The following USH2A variants were observed in gnomAD, a reference collection of about 807,000 sequenced individuals.
The protein encoded by USH2A is Usher syndrome 2A (autosomal recessive, mild).
A neutral mutation model predicts 538.9 loss-of-function variants in USH2A; 443 were observed. The ratio of observed to expected loss-of-function variants is 0.82; its 90% CI spans 0.76 to 0.89. The LOEUF (loss-of-function observed/expected upper bound fraction) is 0.89. USH2A is among the 40% of genes least tolerant of loss of function. The pLI is 0.00. For synonymous variants in USH2A, 2,413 were observed against 2,273.5 expected (o/e 1.06, Z -1.75); for missense variants, 6,633 against 6,324.8 (o/e 1.05, Z -1.65).
At chr1:215,731,019 G>A (rs1190268680) in intron 60 of USH2A, among the ~76,000 whole-genome samples, 1 of 152,160 alleles carries the variant, frequency 6.6e-6, no homozygotes, top group African/African-American at 2.4e-5. Context: ...ACCTATGATG[G>A]TCTATGGGGA....
At chr1:215,665,626 G>A (rs1657583327) in intron 64 of USH2A, among the ~76,000 whole-genome samples, 1 of 152,158 alleles carries the variant, frequency 6.6e-6, no homozygotes, top group Non-Finnish European at 1.5e-5. Context: ...CTCACACCCA[G>A]GTCCCTCTCA....
chr1:216,218,448 T>C (rs909960372), intron 14 of USH2A, among the ~76,000 whole-genome samples: 3 of 152,126 alleles, frequency 2.0e-5, no homozygotes, highest in Admixed American at 1.3e-4. Flanking sequence ...TAAAAGGTAC[T>C]CTCCTTGTGG....
At chr1:215,780,662 T>C (rs1053948071) in intron 54 of USH2A, among the ~76,000 whole-genome samples, 1 of 152,244 alleles carries the variant, frequency 6.6e-6, no homozygotes, top group Non-Finnish European at 1.5e-5. Flanking sequence ...TTTCATAGAA[T>C]TAACTTTTTT....
intron 61 of USH2A, among the ~76,000 whole-genome samples, chr1:215,681,232 G>T (rs1658218430): frequency 6.6e-6 from 1 of 152,014 alleles, no homozygotes; most frequent in Admixed American, 6.6e-5. Context: ...GCCCTGGGGT[G>T]CTCTTTCCAC....
intron 38 of USH2A, among the ~76,000 whole-genome samples, chr1:215,924,571 T>C (rs1340738999): frequency 6.6e-6 from 1 of 151,710 alleles, no homozygotes; most frequent in East Asian, 1.9e-4. Flanking sequence ...AAACTTCAAG[T>C]TGCTTTTAGA....
At chr1:215,879,556 G>A (rs895318389) in intron 41 of USH2A, among the ~76,000 whole-genome samples, 1 of 152,142 alleles carries the variant, frequency 6.6e-6, no homozygotes, top group Non-Finnish European at 1.5e-5. Flanking sequence ...CTTGGAGGAA[G>A]GGAAAGAGAA....
intron 21 of USH2A, among the ~76,000 whole-genome samples, chr1:216,164,281 C>T (rs1262737206): frequency 2.0e-5 from 3 of 151,934 alleles, no homozygotes; most frequent in Admixed American, 2.0e-4. Flanking sequence ...GAAGGAGAAA[C>T]CTAGTGAGAA....
chr1:216,227,894 C>T (rs920725075), intron 14 of USH2A, among the ~76,000 whole-genome samples: 1 of 152,244 alleles, frequency 6.6e-6, no homozygotes, highest in East Asian at 1.9e-4. Context: ...CCTCACAGAT[C>T]AGGGCAGGTG....
chr1:215,627,436 C>CTT (rs1558027471), intron 71 of USH2A, among the ~76,000 whole-genome samples: 20 of 61,722 alleles, frequency 3.2e-4, no homozygotes, highest in South Asian at 1.4e-3. Flanking sequence ...TTCCTTCCTT[C>CTT]CTTCCTTCCT....
intron 40 of USH2A, among the ~76,000 whole-genome samples, chr1:215,890,786 G>A (rs1313194989): frequency 6.6e-6 from 1 of 152,074 alleles, no homozygotes; most frequent in Non-Finnish European, 1.5e-5. Flanking sequence ...AGAAAAGCAA[G>A]TACGAGTCTT....
intron 27 of USH2A, among the ~76,000 whole-genome samples, chr1:216,075,652 G>A (rs974288335): frequency 1.3e-5 from 2 of 152,154 alleles, no homozygotes; most frequent in African/African-American, 4.8e-5. Context: ...GGTTTGGGCA[G>A]AGCATTGCCT....
intron 64 of USH2A, among the ~76,000 whole-genome samples, chr1:215,669,546 G>A (rs931750202): frequency 3.9e-5 from 6 of 152,106 alleles, no homozygotes; most frequent in African/African-American, 1.4e-4. Flanking sequence ...TTATAATAAA[G>A]CAATATTTTT....
chr1:215,878,600 A>G (rs2102451419), intron 42 of USH2A, among the ~76,000 whole-genome samples, 164 bp downstream of exon 42: 1 of 152,310 alleles, frequency 6.6e-6, no homozygotes, highest in Non-Finnish European at 1.5e-5. Context: ...TTCCATAATA[A>G]GTTGAAGTGT....
intron 69 of USH2A, among the ~76,000 whole-genome samples, chr1:215,634,919 C>T (rs1037859984): frequency 2.6e-5 from 4 of 152,176 alleles, no homozygotes; most frequent in African/African-American, 9.6e-5. Flanking sequence ...GCCTTGCTGA[C>T]ACTTCTGGCG....
At chr1:216,287,880 C>A (rs1318674102) in intron 11 of USH2A, among the ~76,000 whole-genome samples, 1 of 152,140 alleles carries the variant, frequency 6.6e-6, no homozygotes, top group East Asian at 1.9e-4. Context: ...AACAATCTAA[C>A]TATAAGATCA....
intron 38 of USH2A, among the ~76,000 whole-genome samples, chr1:215,904,914 A>G (rs1336019486): frequency 6.6e-6 from 1 of 152,154 alleles, no homozygotes; most frequent in Non-Finnish European, 1.5e-5. Flanking sequence ...AATCTTTTGA[A>G]TGTATAATTT....
At chr1:216,206,867 A>G (rs1025685498) in intron 16 of USH2A, among the ~76,000 whole-genome samples, 3 of 152,322 alleles carry the variant, frequency 2.0e-5, no homozygotes, top group Middle Eastern at 6.8e-3. Context: ...ACTTGAGATA[A>G]ACTTCCTAAA....
chr1:215,782,590 A>G, intron 53 of USH2A, 148 bp downstream of exon 53: 1 of 860,704 alleles, frequency 1.2e-6, no homozygotes, highest in South Asian at 1.6e-5. Flanking sequence ...GTGAGTGATT[A>G]GTTGTCACAT....
At chr1:216,422,694 T>A (rs1389598032) in intron 1 of USH2A, among the ~76,000 whole-genome samples, 154 bp from the exon 2 acceptor site, 1 of 152,134 alleles carries the variant, frequency 6.6e-6, no homozygotes, top group African/African-American at 2.4e-5. Context: ...AAAATACTCA[T>A]CCTTTTGGTA....
Sources: gnomAD v4.1 joint callset for allele counts (sites outside exome capture counted in the v4.1 genomes callset) on GRCh38, gnomAD v4.1.1 for gene constraint, MANE v1.5 for transcripts, NCBI Gene and HGNC (gene_info 2026-07-23, HGNC 2026-07-21) for gene names.